The following MTMR3 variants were observed in gnomAD, a reference collection of about 807,000 sequenced individuals.
MTMR3 encodes phosphatidylinositol-3,5-bisphosphate 3-phosphatase MTMR3.
A neutral mutation model predicts 132.4 loss-of-function variants in MTMR3; 32 were observed. The ratio of observed to expected loss-of-function variants is 0.24; its 90% CI spans 0.18 to 0.32. MTMR3 has a LOEUF of 0.32. Ranked by LOEUF, MTMR3 falls within the 10% of genes least tolerant of loss-of-function variation. The probability of loss-of-function intolerance (pLI) is 1.00; values close to 1 mark genes in which losing one functional copy is unlikely to be tolerated. For synonymous variants in MTMR3, 556 were observed against 550.3 expected (o/e 1.01, Z -0.14); for missense variants, 1,216 against 1,489.6 (o/e 0.82, Z 3.02).
At chr22:30,006,674 C>T (rs2145934653) in intron 9 of MTMR3, 1 of 161,638 alleles carries the variant, frequency 6.2e-6, no homozygotes, top group African/African-American at 2.4e-5. Context: ...CCTTCCACCT[C>T]AGCCTCCTGA....
chr22:29,934,488 T>C (rs1433509560), intron 1 of MTMR3, among the ~76,000 whole-genome samples: 1 of 152,252 alleles, frequency 6.6e-6, no homozygotes, highest in Non-Finnish European at 1.5e-5. Flanking sequence ...TTTTCTTTTG[T>C]ATGTGTAATT....
chr22:30,020,496 G>A lies in MTMR3; in HGVS notation c.2837G>A (p.Ser946Asn). Residue 946 changes from serine (S) to asparagine (N), a missense_variant, in exon 17 of 20, where the codon AGC (serine) becomes AAC (asparagine). Physicochemically the swap from Ser to Asn is conservative, Grantham distance 46 (BLOSUM62 1). Transcript: ENST00000401950. The stretch of plus-strand genomic sequence containing the variant: ...GCCTCAGAGCAGCCCCCAGGTCTTA[G>A]CACCCTCCAGATGTACCCCACACCC... Reference protein sequence around the residue: ...NRASEQPPGLSTLQMYPTPNG... With the variant: ...NRASEQPPGLNTLQMYPTPNG... 1.2e-6 allele frequency: 2 copies of A among 1,614,202 alleles called. No individual in the cohort carries two copies. The highest frequency in any genetic ancestry group is 1.3e-5 in the African/African-American group (1 of 75,050).
intron 1 of MTMR3, among the ~76,000 whole-genome samples, chr22:29,939,271 G>A (rs570515668): frequency 6.6e-6 from 1 of 152,156 alleles, no homozygotes; most frequent in Non-Finnish European, 1.5e-5. Context: ...GAGTGTCATG[G>A]TTCAAACTAT....
At chr22:29,900,488 G>C (rs2064983858) in intron 1 of MTMR3, among the ~76,000 whole-genome samples, 2 of 152,124 alleles carry the variant, frequency 1.3e-5, no homozygotes, top group Admixed American at 1.3e-4. Context: ...AGACTACACA[G>C]CTGGTGATTA....
chr22:29,883,367 C>G lies in MTMR3; in HGVS notation c.-138+8C>G, dbSNP rs889948942. ...GCCATGTCCTGCTGCCCGGTAAGAA[C>G]CCCATCCCCGTCCTCCGTCTCCTCG... On this transcript the variant is annotated splice_region_variant and intron_variant, in intron 1 of 19. Transcript: ENST00000401950. 27 of 157,924 alleles carry G rather than the reference C, an allele frequency of 1.7e-4. No individual in the cohort carries two copies. Among genetic ancestry groups the G allele is most frequent in the African/African-American group, 5.8e-4 (24 of 41,638 alleles). 9.8% of individuals were successfully genotyped at this position (157,924 alleles called of 1,614,324 possible).
intron 1 of MTMR3, among the ~76,000 whole-genome samples, chr22:29,940,307 T>G (rs1370646244): frequency 2.0e-5 from 3 of 152,072 alleles, no homozygotes; most frequent in Non-Finnish European, 4.4e-5. Flanking sequence ...TCCCTGCGCT[T>G]GAGAATGTAC....
chr22:29,994,605 T>TATC (rs1358937853), intron 7 of MTMR3: 2 of 152,220 alleles, frequency 1.3e-5, no homozygotes. Context: ...CAGTACATGA[T>TATC]ATCACAAGTG....
intron 3 of MTMR3, 79 bp downstream of exon 3, chr22:29,971,141 ATACT>A: frequency 4.3e-6 from 6 of 1,407,754 alleles, no homozygotes; most frequent in South Asian, 2.6e-5. Flanking sequence ...TAATAAATTC[ATACT>A]TACCCATTTT....
At chr22:29,999,652 T>C (rs1457385123) in intron 8 of MTMR3, 1 of 152,212 alleles carries the variant, frequency 6.6e-6, no homozygotes, top group African/African-American at 2.4e-5. Flanking sequence ...GTCTGTATTA[T>C]TCTGTCCTTT....
chr22:29,979,262 G>A (rs935403854), intron 5 of MTMR3: 3 of 379,108 alleles, frequency 7.9e-6, no homozygotes, highest in Admixed American at 8.0e-5. Context: ...GGAGGCCAAG[G>A]CAGGCAGATC....
At chr22:29,896,990 T>G (rs964174773) in intron 1 of MTMR3, among the ~76,000 whole-genome samples, 2 of 151,824 alleles carry the variant, frequency 1.3e-5, no homozygotes, top group African/African-American at 4.8e-5. Flanking sequence ...AAAGTAAAAT[T>G]TAAATATTTA....
At chr22:30,023,386 C>G (rs754136526) in intron 19 of MTMR3, 54 of 1,521,724 alleles carry the variant, frequency 3.5e-5, no homozygotes, top group Non-Finnish European at 4.6e-5. Flanking sequence ...CATGTATCTC[C>G]CCACCCTGCA....
At chr22:30,013,626 G>A in intron 14 of MTMR3, 85 bp downstream of exon 14, 1 of 1,278,242 alleles carries the variant, frequency 7.8e-7, no homozygotes. Context: ...ATGAAACTGT[G>A]CTGCCTCTTC....
chr22:29,996,439 T>A (rs2067061445), intron 7 of MTMR3: 1 of 152,258 alleles, frequency 6.6e-6, no homozygotes, highest in Non-Finnish European at 1.5e-5. Context: ...GTTATTATTT[T>A]GCCAGTGGTT....
chr22:30,023,152 GAGGAC>G, intron 19 of MTMR3: 1 of 457,252 alleles, frequency 2.2e-6, no homozygotes. Context: ...AGAGACAGCT[GAGGAC>G]AGTCTTCCAA....
At chr22:29,930,239 C>T (rs1005810241) in intron 1 of MTMR3, among the ~76,000 whole-genome samples, 2 of 152,156 alleles carry the variant, frequency 1.3e-5, no homozygotes, top group Non-Finnish European at 2.9e-5. Context: ...ATTTCCATTA[C>T]TGCAAAAAGA....
chr22:29,899,165 A>T (rs1480372018), intron 1 of MTMR3, among the ~76,000 whole-genome samples: 5 of 152,192 alleles, frequency 3.3e-5, no homozygotes, highest in Non-Finnish European at 7.3e-5. Flanking sequence ...GTATACATGC[A>T]TTCATGGAGA....
At chr22:30,021,583 C>G (rs1166501510) in intron 17 of MTMR3, 1 of 168,228 alleles carries the variant, frequency 5.9e-6, no homozygotes, top group Non-Finnish European at 1.3e-5. Flanking sequence ...ACTTTCAGTT[C>G]AGAGTGACTT....
chr22:30,017,799 C>T lies in MTMR3; in HGVS notation c.1675-128C>T, dbSNP rs1040959503. 126 of 1,191,864 alleles carry T rather than the reference C, an allele frequency of 1.1e-4. 1 individual carries two copies. The highest frequency in any genetic ancestry group is 1.5e-4 in the Non-Finnish European group (121 of 819,594). 73.8% of individuals were successfully genotyped at this position (1,191,864 alleles called of 1,614,324 possible). A position where few individuals can be genotyped will look rare whatever the true frequency, so the allele number is the denominator to read the frequency against. ...GATAGACCTGTATCCATTGGTGCTG[C>T]TTCTTTGTGGAGATCCTGTCAGCCC... On this transcript the variant is annotated intron_variant, in intron 15 of 19. Coordinates refer to ENST00000401950, the MANE Select transcript of MTMR3 (RefSeq NM_021090.4).
Sources: gnomAD v4.1 joint callset for allele counts (sites outside exome capture counted in the v4.1 genomes callset) on GRCh38, gnomAD v4.1.1 for gene constraint, MANE v1.5 for transcripts, NCBI Gene and HGNC (gene_info 2026-07-23, HGNC 2026-07-21) for gene names.